Variants in PTPRD observed in about 807,000 individuals in gnomAD.
The protein encoded by PTPRD is receptor-type tyrosine-protein phosphatase delta.
A neutral mutation model predicts 214.5 loss-of-function variants in PTPRD; 34 were observed. The observed-to-expected ratio is 0.16, with a 90% CI of 0.12 to 0.21. The LOEUF (loss-of-function observed/expected upper bound fraction) is 0.21, where lower values mean the gene tolerates loss of function less well. Among genes scored for constraint, PTPRD ranks in the 10% least tolerant of loss-of-function variants. The probability of loss-of-function intolerance (pLI) is 1.00; values close to 1 mark genes in which losing one functional copy is unlikely to be tolerated. For synonymous variants in PTPRD, 1,128 were observed against 845.7 expected, an observed-to-expected ratio of 1.33 and a Z score of -5.79; for missense variants, 2,545 against 2,398.7, an observed-to-expected ratio of 1.06 and a Z score of -1.27.
At chr9:9,818,524 G>C (rs2049532332) in intron 5 of PTPRD, among the ~76,000 whole-genome samples, 8 of 152,090 alleles carry the variant, frequency 5.3e-5, no homozygotes, top group Admixed American at 5.2e-4. Flanking sequence ...AATGTAGGTA[G>C]GGAAGGACAG....
At chr9:8,789,825 A>G (rs1322726924) in intron 11 of PTPRD, among the ~76,000 whole-genome samples, 6 of 152,232 alleles carry the variant, frequency 3.9e-5, no homozygotes, top group African/African-American at 7.2e-5. Flanking sequence ...TGAAGACTTA[A>G]ATGTGAAAAT....
In PTPRD at chr9:9,784,893, C is replaced by G. The variant is rs540909732; in HGVS notation, c.-367-18042G>C. 6.1e-5 allele frequency among the ~76,000 whole-genome samples: 9 copies of G among 146,964 alleles called. No individual in the cohort carries two copies. In the South Asian group the frequency reaches 1.3e-3, roughly 22 times the overall value. On this transcript the variant is annotated intron_variant, in intron 5 of 45. Transcript: ENST00000381196. ...ACACACACACACGCACACACCTATACACACATATAATCTCTCCTACATTTT... is the reference window on the plus strand; with the variant it reads ...ACACACACACACGCACACACCTATAGACACATATAATCTCTCCTACATTTT...
chr9:10,160,018 A>C lies in PTPRD; in HGVS notation c.-544-126228T>G, dbSNP rs182737361. Reference sequence around the variant, plus strand: ...AAATATCTGGGTACAGAAAGGACTCAATTCTTCCATTGAAAGTCATAGAGT... The same window carrying C: ...AAATATCTGGGTACAGAAAGGACTCCATTCTTCCATTGAAAGTCATAGAGT... On this transcript the variant is annotated intron_variant, in intron 3 of 45. Transcript: ENST00000381196. 4.4e-3 allele frequency among the ~76,000 whole-genome samples: 672 copies of C among 152,158 alleles called. 4 individuals are homozygous for C. Among genetic ancestry groups the C allele is most frequent in the Non-Finnish European group, 8.0e-3 (545 of 67,950 alleles).
intron 2 of PTPRD, among the ~76,000 whole-genome samples, chr9:10,482,741 G>A (rs996240492): frequency 2.6e-5 from 4 of 152,090 alleles, no homozygotes; most frequent in Admixed American, 2.6e-4. Flanking sequence ...AAATACCTAT[G>A]AATATACTTA....
At chr9:8,660,565 C>T (rs2097020675) in intron 12 of PTPRD, among the ~76,000 whole-genome samples, 1 of 152,146 alleles carries the variant, frequency 6.6e-6, no homozygotes, top group Non-Finnish European at 1.5e-5. Context: ...CCAGGATCCT[C>T]CCCAGCTGGC....
intron 12 of PTPRD, among the ~76,000 whole-genome samples, chr9:8,689,243 T>C (rs952607838): frequency 2.6e-5 from 4 of 152,200 alleles, no homozygotes; most frequent in African/African-American, 7.2e-5. Context: ...ACTGTGTGGA[T>C]AGAAAGATGA....
chr9:9,677,032 T>C (rs2096946223), intron 7 of PTPRD, among the ~76,000 whole-genome samples: 1 of 152,144 alleles, frequency 6.6e-6, no homozygotes, highest in South Asian at 2.1e-4. Context: ...TATTAGCCCT[T>C]TGTCAGAAGA....
chr9:9,347,696 T>A (rs1287581762), intron 9 of PTPRD, among the ~76,000 whole-genome samples: 1 of 152,168 alleles, frequency 6.6e-6, no homozygotes, highest in Non-Finnish European at 1.5e-5. Flanking sequence ...GAGATTTTGA[T>A]TCATGGTACA....
At chr9:9,490,025 A>T (rs1288473235) in intron 8 of PTPRD, among the ~76,000 whole-genome samples, 1 of 152,120 alleles carries the variant, frequency 6.6e-6, no homozygotes, top group African/African-American at 2.4e-5. Context: ...GCAACTTGCC[A>T]CATATAAGAG....
Position 9,261,652 on chromosome 9 carries a change from G to A in PTPRD, c.-202-78289C>T, listed in dbSNP as rs1055136041. 2.2e-3 allele frequency among the ~76,000 whole-genome samples: 322 copies of A among 145,680 alleles called. 1 individual carries two copies. The highest frequency in any genetic ancestry group is 7.9e-3 in the African/African-American group (297 of 37,790). ...CGTGTGTGCATGTGCATGCACGTGT[G>A]TGTGTGTGTGTGTGTGTGTGTGTTC... On this transcript the variant is annotated intron_variant, in intron 9 of 45. Transcript: ENST00000381196.
intron 8 of PTPRD, among the ~76,000 whole-genome samples, chr9:9,560,010 C>T (rs539623485): frequency 2.8e-4 from 42 of 152,260 alleles, no homozygotes; most frequent in African/African-American, 9.4e-4. Context: ...TCCGGTTGTC[C>T]GGTGCCCCCT....
chr9:8,445,959 T>C (rs2095708737), intron 34 of PTPRD, among the ~76,000 whole-genome samples: 3 of 152,136 alleles, frequency 2.0e-5, no homozygotes, highest in Admixed American at 2.0e-4. Flanking sequence ...CTTAAGGTGC[T>C]CTGTACAGAT....
chr9:9,592,483 A>G (rs2092831749), intron 7 of PTPRD, among the ~76,000 whole-genome samples: 1 of 152,048 alleles, frequency 6.6e-6, no homozygotes, highest in Admixed American at 6.6e-5. Context: ...GACATTGAGG[A>G]AAACATTATT....
chr9:10,531,465 T>G (rs2056287997), intron 2 of PTPRD, among the ~76,000 whole-genome samples: 1 of 152,134 alleles, frequency 6.6e-6, no homozygotes, highest in Admixed American at 6.5e-5. Flanking sequence ...GATGGGAGCC[T>G]AATAAAAATG....
chr9:9,313,791 T>C (rs1439686119), intron 9 of PTPRD, among the ~76,000 whole-genome samples: 1 of 152,196 alleles, frequency 6.6e-6, no homozygotes, highest in Non-Finnish European at 1.5e-5. Flanking sequence ...AGCTAATCAA[T>C]TGGAATGGTG....
intron 11 of PTPRD, among the ~76,000 whole-genome samples, chr9:8,771,160 G>T (rs375937302): frequency 7.4e-6 from 1 of 134,760 alleles, no homozygotes; most frequent in East Asian, 2.1e-4. Flanking sequence ...CAGCCTGGGC[G>T]ACAGAGCAAG....
chr9:8,541,933 C>A (rs925285458), intron 14 of PTPRD, among the ~76,000 whole-genome samples: 1 of 151,866 alleles, frequency 6.6e-6, no homozygotes. Context: ...TGGAAAATAA[C>A]CCAATCAAAG....
chr9:10,259,496 C>T (rs928847195), intron 3 of PTPRD, among the ~76,000 whole-genome samples: 1 of 152,140 alleles, frequency 6.6e-6, no homozygotes, highest in Non-Finnish European at 1.5e-5. Context: ...CTTAAGAAAT[C>T]CTCCAAATAG....
At chr9:8,631,274 C>T (rs2096243546) in intron 14 of PTPRD, among the ~76,000 whole-genome samples, 1 of 151,798 alleles carries the variant, frequency 6.6e-6, no homozygotes, top group African/African-American at 2.4e-5. Context: ...CTTATTCTTG[C>T]CTATTAGACC....
Sources: gnomAD v4.1 joint callset for allele counts (sites outside exome capture counted in the v4.1 genomes callset) on GRCh38, gnomAD v4.1.1 for gene constraint, MANE v1.5 for transcripts, NCBI Gene and HGNC (gene_info 2026-07-23, HGNC 2026-07-21) for gene names.